The following RBM25 variants were observed in gnomAD, a reference collection of about 807,000 sequenced individuals.
The protein encoded by RBM25 is RNA binding motif protein 25.
Under a neutral mutation model 120.7 loss-of-function variants are expected in RBM25, and 19 were observed. That is an observed-to-expected ratio of 0.16 (90% CI 0.11 to 0.23). The LOEUF is 0.23. Ranked by LOEUF, RBM25 falls within the 10% of genes least tolerant of loss-of-function variation. The pLI is 1.00. For synonymous variants in RBM25, 390 were observed against 326.7 expected, an observed-to-expected ratio of 1.19 and a Z score of -2.09; for missense variants, 605 against 1,041.5, an observed-to-expected ratio of 0.58 and a Z score of 5.77.
rs756622455 is a variant in RBM25, at chr14:73,120,057, G to T, written c.*252G>T. The T allele has an allele frequency of 6.1e-6, 2 of 325,472 alleles. No individual in the cohort carries two copies. Among genetic ancestry groups the T allele is most frequent in the African/African-American group, 2.3e-5 (1 of 44,204 alleles). 20.2% of individuals were successfully genotyped at this position (325,472 alleles called of 1,614,324 possible). A position where few individuals can be genotyped will look rare whatever the true frequency, so the allele number is the denominator to read the frequency against. On this transcript the variant is annotated 3_prime_UTR_variant, in exon 19 of 19. Transcript: ENST00000261973. The stretch of plus-strand genomic sequence containing the variant: ...GTATGTTTTATAAGCCGCAGCTACT[G>T]TACACAGCCTATCTGATATAATCTT...
intron 6 of RBM25, 23 bp downstream of exon 6, chr14:73,088,184 T>C: frequency 6.2e-7 from 1 of 1,613,014 alleles, no homozygotes; most frequent in Non-Finnish European, 8.5e-7. Flanking sequence ...TCGTGTTATC[T>C]TTTCTAGGCC....
chr14:73,105,207 A>C (rs1454620864), intron 10 of RBM25, among the ~76,000 whole-genome samples: 2 of 146,014 alleles, frequency 1.4e-5, no homozygotes, highest in South Asian at 4.3e-4. Context: ...TCCTGGGCTC[A>C]TGGGATCTTC....
intron 1 of RBM25, among the ~76,000 whole-genome samples, chr14:73,061,541 T>C (rs1285753147): frequency 6.6e-6 from 1 of 151,302 alleles, no homozygotes; most frequent in East Asian, 1.9e-4. Flanking sequence ...CTCATTTTTC[T>C]GTATAGATAG....
intron 9 of RBM25, 165 bp from the exon 10 acceptor site, chr14:73,103,027 T>G: frequency 1.4e-6 from 2 of 1,404,214 alleles, no homozygotes; most frequent in Non-Finnish European, 9.6e-7. Flanking sequence ...ATCTTTCTAG[T>G]CTTGTGATTG....
intron 5 of RBM25, among the ~76,000 whole-genome samples, chr14:73,084,355 G>GT (rs1387053325): frequency 6.6e-6 from 1 of 152,108 alleles, no homozygotes; most frequent in Non-Finnish European, 1.5e-5. Flanking sequence ...AATATTTTAA[G>GT]TTATTCTATT....
At chr14:73,106,571 C>T (rs978050087) in intron 12 of RBM25, among the ~76,000 whole-genome samples, 1 of 151,990 alleles carries the variant, frequency 6.6e-6, no homozygotes, top group African/African-American at 2.4e-5. Flanking sequence ...TTTTAAGAAT[C>T]TGCATATTTT....
chr14:73,093,687 T>C (rs1382224126), intron 6 of RBM25, among the ~76,000 whole-genome samples: 2 of 151,676 alleles, frequency 1.3e-5, no homozygotes, highest in African/African-American at 2.4e-5. Flanking sequence ...TTTGTATTTT[T>C]AGTAAAGATG....
At position 73,103,948 on chromosome 14, in the gene RBM25, T is replaced by TCACACACA. The variant is rs368961634; in HGVS notation, c.1154+510_1154+517dup. On this transcript the variant is annotated intron_variant, in intron 10 of 18. Transcript: ENST00000261973. ...CTCTCTCTCTCTCTCTCTCTCTCTC[T>TCACACACA]CACACACACACACACACACACACAC... is the stretch of plus-strand genomic sequence containing the variant. Among the ~76,000 whole-genome samples the TCACACACA allele has an allele frequency of 5.9e-4, 54 of 91,370 alleles. 1 individual carries two copies. Among genetic ancestry groups the TCACACACA allele is most frequent in the Non-Finnish European group, 9.5e-4 (39 of 41,044 alleles). The allele number at this position is 91,370 out of a possible 152,430, so 59.9% of individuals were successfully genotyped here. A position where few individuals can be genotyped will look rare whatever the true frequency, so the allele number is the denominator to read the frequency against.
intron 18 of RBM25, among the ~76,000 whole-genome samples, chr14:73,115,942 C>G: frequency 6.6e-6 from 1 of 152,068 alleles, no homozygotes; most frequent in Admixed American, 6.5e-5. Context: ...TATTGGGAGT[C>G]AGATTGGAGA....
chr14:73,097,426 C>T (rs192928158), intron 7 of RBM25, among the ~76,000 whole-genome samples: 96 of 152,072 alleles, frequency 6.3e-4, no homozygotes, highest in Admixed American at 2.4e-3. Flanking sequence ...GTCTCAATCT[C>T]GTGACCTCGT....
In RBM25 at chr14:73,123,876, C is replaced by T. The variant is rs1405778999; in HGVS notation, c.*4071C>T. The stretch of plus-strand genomic sequence containing the variant: ...AACAAAAATAAAAATTCTTTTCAAG[C>T]CATGTTGTTTGAATTAAATGACACT... On this transcript the variant is annotated 3_prime_UTR_variant, in exon 19 of 19. Transcript: ENST00000261973. 1 of 151,142 alleles carries T rather than the reference C, an allele frequency of 6.6e-6. No individual in the cohort carries two copies. The highest frequency in any genetic ancestry group is 2.4e-5 in the African/African-American group (1 of 41,162). The allele number at this position is 151,142 out of a possible 1,614,324, so 9.4% of individuals were successfully genotyped here.
At chr14:73,108,437 C>G (rs1896236160) in intron 13 of RBM25, among the ~76,000 whole-genome samples, 1 of 152,174 alleles carries the variant, frequency 6.6e-6, no homozygotes, top group Admixed American at 6.5e-5. Flanking sequence ...GCAATTTGAC[C>G]TCCCGTCTCT....
chr14:73,106,419 T>A (rs866606694), intron 12 of RBM25, 134 bp downstream of exon 12: 1 of 753,696 alleles, frequency 1.3e-6, no homozygotes. Flanking sequence ...TTTATGTATT[T>A]TGAGTAATTT....
Position 73,096,865 on chromosome 14 carries a change from G to T in RBM25, c.544-50G>T, listed in dbSNP as rs199555076. On this transcript the variant is annotated intron_variant, in intron 6 of 18. Coordinates refer to ENST00000261973, the MANE Select transcript of RBM25 (RefSeq NM_021239.3). ...TTAACTCTTGTTGTAGAGTGATTTT[G>T]ATTTTCTTGCTTGATTTTTCTTTCC... is the stretch of plus-strand genomic sequence containing the variant. The T allele has an allele frequency of 6.2e-5, 95 of 1,520,556 alleles. No homozygotes were observed. The African/African-American group carries it at 1.1e-3, about 17-fold the overall frequency. 94.2% of individuals were successfully genotyped at this position (1,520,556 alleles called of 1,614,324 possible).
intron 7 of RBM25, among the ~76,000 whole-genome samples, chr14:73,098,024 G>A (rs1019683863): frequency 6.6e-6 from 1 of 152,174 alleles, no homozygotes; most frequent in African/African-American, 2.4e-5. Context: ...AGCAACTTGG[G>A]AGGCTGAGGG....
chr14:73,114,144 C>T (rs775915949), intron 17 of RBM25, 142 bp from the exon 18 acceptor site: 1 of 575,560 alleles, frequency 1.7e-6, no homozygotes, highest in Non-Finnish European at 2.9e-6. Flanking sequence ...GAATGATATT[C>T]TGAAAATTAA....
At chr14:73,098,215 G>C (rs1477878109) in intron 7 of RBM25, among the ~76,000 whole-genome samples, 1 of 152,194 alleles carries the variant, frequency 6.6e-6, no homozygotes, top group Admixed American at 6.5e-5. Context: ...CTGCAGCCTT[G>C]AATACCCATC....
At chr14:73,103,591 A>G (rs950699957) in intron 10 of RBM25, 113 bp downstream of exon 10, 1 of 1,417,746 alleles carries the variant, frequency 7.1e-7, no homozygotes, top group Non-Finnish European at 9.3e-7. Flanking sequence ...TGTGTGAGAC[A>G]TTCTCACTCT....
intron 13 of RBM25, among the ~76,000 whole-genome samples, chr14:73,108,107 G>A (rs1030655408): frequency 6.6e-6 from 1 of 152,202 alleles, no homozygotes; most frequent in African/African-American, 2.4e-5. Context: ...TGCATCTTTT[G>A]TGCAGTGGGG....
Sources: gnomAD v4.1 joint callset for allele counts (sites outside exome capture counted in the v4.1 genomes callset) on GRCh38, gnomAD v4.1.1 for gene constraint, MANE v1.5 for transcripts, NCBI Gene and HGNC (gene_info 2026-07-23, HGNC 2026-07-21) for gene names.